ADCY1: variants seen among roughly 807,000 people sequenced by gnomAD.
ADCY1 encodes the protein adenylate cyclase type 1.
In ADCY1, 28 loss-of-function variants were observed where a neutral mutation model predicts 105.4. The observed-to-expected ratio is 0.27, with a 90% confidence interval of 0.20 to 0.36. ADCY1 has a LOEUF of 0.36. Among genes scored for constraint, ADCY1 ranks in the 10% least tolerant of loss-of-function variants. The pLI, the probability that ADCY1 is intolerant of heterozygous loss-of-function variation, is 1.00. For missense variants in ADCY1, 977 were observed against 1,434.2 expected (o/e 0.68, Z 5.15); for synonymous variants, 655 against 623.8 (o/e 1.05, Z -0.75).
rs544467990 is a variant in ADCY1, at chr7:45,631,162, AG to A, written c.1020+8421del. Reference sequence around the variant, plus strand: ...GGGGTCAGTGTTGTTAAAACTATGCAGGTATTTGAAAATCCAACTTGAAAAT... The same window carrying A: ...GGGGTCAGTGTTGTTAAAACTATGCAGTATTTGAAAATCCAACTTGAAAAT... On this transcript the variant is annotated intron_variant, in intron 4 of 19. Transcript: ENST00000297323. Among the ~76,000 whole-genome samples the A allele has an allele frequency of 3.8e-4, 58 of 152,366 alleles. 2 individuals carry two copies. The South Asian group carries it at 0.012, about 32-fold the overall frequency.
chr7:45,657,909 G>GGTT, intron 6 of ADCY1, 24 bp downstream of exon 6: 1 of 1,558,148 alleles, frequency 6.4e-7, no homozygotes, highest in Non-Finnish European at 8.7e-7. Context: ...GGGGTGGGGA[G>GGTT]GGGAGGGAGG....
Position 45,686,505 on chromosome 7 carries a change from A to T in ADCY1, c.2328-42A>T. 6.3e-7 allele frequency: 1 copy of T among 1,579,672 alleles called. No homozygotes were observed. Among genetic ancestry groups the T allele is most frequent in the African/African-American group, 1.3e-5 (1 of 74,520 alleles). ...TTTGGTGGCAGAGTCTTGCCCTGGA[A>T]GCTCGGCACTGACTTGGCTTTTCTT... On this transcript the variant is annotated intron_variant, in intron 13 of 19. Transcript: ENST00000297323. The surrounding 1 kb of genome is among the most constrained non-coding windows in gnomAD (Gnocchi z 4.3).
rs1320452005 is a variant in ADCY1, at chr7:45,574,764, C to A, written c.221C>A (p.Ala74Glu). ...ALAVLSLLAGALALAELLGAP... is the reference protein window; with the variant it reads ...ALAVLSLLAGELALAELLGAP... The stretch of plus-strand genomic sequence containing the variant: ...GCCGTTCTCAGCCTGCTGGCGGGCG[C>A]GCTGGCGCTGGCCGAGCTGCTGGGC... The change falls in exon 1 of 20, where the codon GCG becomes GAG. Residue 74 changes from alanine to glutamate, a missense_variant. This residue lies in a region of ADCY1 where 209 missense variants were observed against 222.5 expected (regional missense o/e 0.94). Transcript: ENST00000297323. This position sits in a 1 kb window ranked among gnomAD's most constrained non-coding sequence, Gnocchi z 7.0. The A allele has an allele frequency of 6.9e-7, 1 of 1,449,008 alleles. No individual in the cohort carries two copies. The allele number at this position is 1,449,008 out of a possible 1,614,324, so 89.8% of individuals were successfully genotyped here. A position where few individuals can be genotyped will look rare whatever the true frequency, so the allele number is the denominator to read the frequency against.
At chr7:45,696,438 C>CAAAAA (rs11365338) in intron 14 of ADCY1, among the ~76,000 whole-genome samples, 1 of 73,922 alleles carries the variant, frequency 1.4e-5, no homozygotes, top group Admixed American at 1.7e-4. Context: ...TACTCCATCT[C>CAAAAA]AAAAAAAAAA....
chr7:45,676,382 T>A (rs961300369), intron 8 of ADCY1, among the ~76,000 whole-genome samples: 18 of 152,214 alleles, frequency 1.2e-4, no homozygotes, highest in African/African-American at 4.1e-4. Flanking sequence ...ATTATCTTTC[T>A]CAAGTTGACA....
At chr7:45,590,895 C>T (rs1255252386) in intron 1 of ADCY1, among the ~76,000 whole-genome samples, 1 of 152,100 alleles carries the variant, frequency 6.6e-6, no homozygotes, top group Non-Finnish European at 1.5e-5. Flanking sequence ...TGTTTAACGT[C>T]GTCAGCCCCA....
At chr7:45,665,413 C>G (rs377736357) in intron 8 of ADCY1, among the ~76,000 whole-genome samples, 2 of 152,210 alleles carry the variant, frequency 1.3e-5, no homozygotes, top group South Asian at 4.1e-4. Context: ...CCTGAGTCAC[C>G]GTGGAACACG....
chr7:45,651,773 C>T (rs760911350), intron 5 of ADCY1, among the ~76,000 whole-genome samples: 2 of 152,160 alleles, frequency 1.3e-5, no homozygotes, highest in African/African-American at 4.8e-5. Context: ...ATAGAGTCCT[C>T]GGTGGCAGGC....
chr7:45,706,100 A>C (rs565495193), intron 17 of ADCY1, among the ~76,000 whole-genome samples: 1 of 152,358 alleles, frequency 6.6e-6, no homozygotes, highest in South Asian at 2.1e-4. Context: ...AGGAGTCAGT[A>C]TTGTTAAGAT....
chr7:45,711,692 T>C (rs1380399130), intron 19 of ADCY1, among the ~76,000 whole-genome samples: 3 of 142,052 alleles, frequency 2.1e-5, no homozygotes, highest in Admixed American at 1.4e-4. Context: ...TACACACACA[T>C]ATATGTATAT....
chr7:45,711,790 AATAT>A (rs1359934818), intron 19 of ADCY1, among the ~76,000 whole-genome samples: 2 of 133,508 alleles, frequency 1.5e-5, no homozygotes, highest in South Asian at 2.3e-4. Flanking sequence ...ATGAAGTGTA[AATAT>A]ATATACTTAT....
In ADCY1 at chr7:45,710,740, G is replaced by T. The variant is rs1245068428; in HGVS notation, c.3057+88G>T. Reference sequence around the variant, plus strand: ...ACAGGGGGCCAGAATTGAATCCCCAGTCTACAGCCCGTAAGTGGCAGGGCA... The same window carrying T: ...ACAGGGGGCCAGAATTGAATCCCCATTCTACAGCCCGTAAGTGGCAGGGCA... On this transcript the variant is annotated intron_variant, in intron 19 of 19. Coordinates refer to ENST00000297323, the MANE Select transcript of ADCY1 (RefSeq NM_021116.4). This position sits in a 1 kb window ranked among gnomAD's most constrained non-coding sequence, Gnocchi z 4.7. 3.4e-6 allele frequency: 5 copies of T among 1,488,162 alleles called. No homozygotes were observed. The African/African-American group carries it at 4.2e-5, about 13-fold the overall frequency. 92.2% of individuals were successfully genotyped at this position (1,488,162 alleles called of 1,614,324 possible). A position where few individuals can be genotyped will look rare whatever the true frequency, so the allele number is the denominator to read the frequency against.
intron 1 of ADCY1, among the ~76,000 whole-genome samples, chr7:45,581,986 C>G (rs1356754745): frequency 1.3e-5 from 2 of 152,150 alleles, no homozygotes; most frequent in East Asian, 1.9e-4. Flanking sequence ...ACATCCATAC[C>G]CACTTGCGTG....
In ADCY1 at chr7:45,722,908, G is replaced by A. The variant is rs1562741393; in HGVS notation, c.*8913G>A. On this transcript the variant is annotated 3_prime_UTR_variant, in exon 20 of 20. Transcript: ENST00000297323. ...TCTATTTTTATGTCAACTGAACACT[G>A]TAGGGTACCTTCCAGTCTTTTTCAA... The A allele has an allele frequency of 6.6e-6, 1 of 152,566 alleles. No individual in the cohort carries two copies. The highest frequency in any genetic ancestry group is 2.4e-5 in the African/African-American group (1 of 41,426). The allele number at this position is 152,566 out of a possible 1,614,324, so 9.5% of individuals were successfully genotyped here.
At chr7:45,639,643 A>T (rs1230157227) in intron 4 of ADCY1, among the ~76,000 whole-genome samples, 1 of 152,076 alleles carries the variant, frequency 6.6e-6, no homozygotes, top group Non-Finnish European at 1.5e-5. Flanking sequence ...TTCTGGGAAC[A>T]TTTTTTTCCC....
At chr7:45,601,216 G>A (rs557635160) in intron 2 of ADCY1, among the ~76,000 whole-genome samples, 76 of 152,272 alleles carry the variant, frequency 5.0e-4, no homozygotes, top group African/African-American at 1.8e-3. Context: ...GGGCTGGGGG[G>A]ACGGTCCCTT....
At chr7:45,680,857 T>C (rs969677606) in intron 11 of ADCY1, among the ~76,000 whole-genome samples, 2 of 152,196 alleles carry the variant, frequency 1.3e-5, no homozygotes, top group Admixed American at 6.5e-5. Context: ...GCATTAGACA[T>C]GCAGAAAGTG....
rs530522568 is a variant in ADCY1, at chr7:45,708,052, G to A, written c.2818-298G>A. Among the ~76,000 whole-genome samples, 19 of 152,234 alleles carry A rather than the reference G, an allele frequency of 1.2e-4. No homozygotes were observed. Among genetic ancestry groups the A allele is most frequent in the South Asian group, 1.2e-3 (6 of 4,824 alleles). Reference sequence around the variant, plus strand: ...CTCATTTGCAATGGCCATTAGCAACGCTGTCCAAGCAGGAGTTTGAGCACC... The same window carrying A: ...CTCATTTGCAATGGCCATTAGCAACACTGTCCAAGCAGGAGTTTGAGCACC... On this transcript the variant is annotated intron_variant, in intron 17 of 19. Coordinates refer to ENST00000297323, the MANE Select transcript of ADCY1 (RefSeq NM_021116.4). The surrounding 1 kb of genome is among the most constrained non-coding windows in gnomAD (Gnocchi z 4.7).
Position 45,710,294 on chromosome 7 carries a change from C to T in ADCY1, c.2933-234C>T, listed in dbSNP as rs771154495. 1.3e-5 allele frequency among the ~76,000 whole-genome samples: 2 copies of T among 152,108 alleles called. No homozygotes were observed. ...CAGTGCTGTTCCCCAGTGCAGTGGA[C>T]AGTGTCGTGAGGAGACCCTGCCCAG... On this transcript the variant is annotated intron_variant, in intron 18 of 19. Coordinates refer to ENST00000297323, the MANE Select transcript of ADCY1 (RefSeq NM_021116.4). The surrounding 1 kb of genome is among the most constrained non-coding windows in gnomAD (Gnocchi z 4.7).
Sources: gnomAD v4.1 joint callset for allele counts (sites outside exome capture counted in the v4.1 genomes callset) on GRCh38, gnomAD v4.1.1 for gene constraint, gnomAD v4.1.1 regional missense constraint, Gnocchi (gnomAD v3.1) non-coding constraint, MANE v1.5 for transcripts, NCBI Gene and HGNC (gene_info 2026-07-23, HGNC 2026-07-21) for gene names.